Variants in LTF observed in about 807,000 individuals in gnomAD.
LTF encodes lactotransferrin.
A neutral mutation model predicts 87.2 loss-of-function variants in LTF; 91 were observed. The observed-to-expected ratio is 1.04, with a 90% CI of 0.88 to 1.24. The LOEUF (loss-of-function observed/expected upper bound fraction) is 1.24. LTF is among the 50% of genes most tolerant of loss of function. The pLI is 0.00. For missense variants in LTF, 901 were observed against 904.3 expected (o/e 1.00, Z 0.05); for synonymous variants, 378 against 356.1 (o/e 1.06, Z -0.69).
upstream of LTF, among the ~76,000 whole-genome samples, chr3:46,469,263 G>A (rs950576788): frequency 6.6e-6 from 1 of 152,244 alleles, no homozygotes; most frequent in Non-Finnish European, 1.5e-5. Context: ...ACAGCCAGGG[G>A]CTTTCTCCTC....
At chr3:46,454,245 G>T (rs371766062) in intron 6 of LTF, 60 bp downstream of exon 6, 131 of 1,455,334 alleles carry the variant, frequency 9.0e-5, no homozygotes, top group Non-Finnish European at 1.1e-4. Flanking sequence ...TCAAAGGTCA[G>T]AGTCATGATC....
chr3:46,437,807 C>T, intron 16 of LTF, 133 bp downstream of exon 16: 4 of 691,532 alleles, frequency 5.8e-6, no homozygotes, highest in East Asian at 2.6e-5. Context: ...TTATAATTTC[C>T]TGAACTGTAA....
intron 1 of LTF, among the ~76,000 whole-genome samples, chr3:46,482,668 GA>G (rs775031835): frequency 6.0e-5 from 5 of 83,480 alleles, no homozygotes; most frequent in Non-Finnish European, 1.3e-4. Flanking sequence ...AAGAAGGAAG[GA>G]AGGAAGGAAG....
chr3:46,459,548 C>A lies in LTF; in HGVS notation c.207+108G>T, dbSNP rs57318164. On this transcript the variant is annotated intron_variant, in intron 2 of 16. Transcript: ENST00000231751. The stretch of plus-strand genomic sequence containing the variant: ...GAGAGGACGGCTCCCCACTTCGTTG[C>A]CCAACAGGTGAAGCAGAGGAAGTAA... 1.9e-3 allele frequency: 2,211 copies of A among 1,138,468 alleles called. 39 individuals are homozygous for A. The African/African-American group carries it at 0.032, about 17-fold the overall frequency. 70.5% of individuals were successfully genotyped at this position (1,138,468 alleles called of 1,614,324 possible).
chr3:46,470,698 G>T (rs368400861), intron 1 of LTF, among the ~76,000 whole-genome samples: 1 of 152,148 alleles, frequency 6.6e-6, no homozygotes, highest in Non-Finnish European at 1.5e-5. Flanking sequence ...CTGGGCAGAC[G>T]GGAAGGCATG....
chr3:46,482,222 G>A (rs773571028), intron 1 of LTF, among the ~76,000 whole-genome samples: 22 of 152,068 alleles, frequency 1.4e-4, no homozygotes, highest in Non-Finnish European at 2.5e-4. Flanking sequence ...TTGGGAGGCC[G>A]AGGCAGGTGG....
chr3:46,444,770 A>T (rs1166225294), intron 12 of LTF, among the ~76,000 whole-genome samples: 1 of 152,194 alleles, frequency 6.6e-6, no homozygotes, highest in African/African-American at 2.4e-5. Flanking sequence ...GCTGATGCTG[A>T]CTAGGATGAG....
chr3:46,447,682 G>A (rs1702690019), intron 9 of LTF, among the ~76,000 whole-genome samples: 1 of 152,150 alleles, frequency 6.6e-6, no homozygotes, highest in Non-Finnish European at 1.5e-5. Context: ...CTGGCACTTT[G>A]GGGACACCTT....
At chr3:46,460,483 C>G (rs765445136) in intron 1 of LTF, 13 of 441,834 alleles carry the variant, frequency 2.9e-5, no homozygotes, top group Non-Finnish European at 5.0e-5. Context: ...TTTTTTTGCT[C>G]AAATACTGGT....
At chr3:46,454,251 T>C (rs935858879) in intron 6 of LTF, 54 bp downstream of exon 6, 46 of 1,511,306 alleles carry the variant, frequency 3.0e-5, no homozygotes, top group Non-Finnish European at 3.8e-5. Flanking sequence ...GTCAGAGTCA[T>C]GATCAAGTAA....
intron 1 of LTF, among the ~76,000 whole-genome samples, chr3:46,464,323 G>A (rs1259180724): frequency 6.6e-6 from 1 of 152,074 alleles, no homozygotes; most frequent in African/African-American, 2.4e-5. Context: ...GAAGGTGTGC[G>A]AATGCCCCAT....
chr3:46,464,277 C>T (rs1486049566), intron 1 of LTF, among the ~76,000 whole-genome samples: 1 of 152,176 alleles, frequency 6.6e-6, no homozygotes, highest in Non-Finnish European at 1.5e-5. Flanking sequence ...AGGGTTCCAT[C>T]AGGAGCACCG....
At chr3:46,477,822 C>T (rs1261063133) in intron 1 of LTF, among the ~76,000 whole-genome samples, 1 of 152,152 alleles carries the variant, frequency 6.6e-6, no homozygotes, top group Admixed American at 6.5e-5. Context: ...TTCTGGTCCC[C>T]GTTGTGAGCC....
intron 6 of LTF, among the ~76,000 whole-genome samples, chr3:46,450,939 CAG>C (rs1324011925): frequency 6.6e-6 from 1 of 152,140 alleles, no homozygotes; most frequent in Non-Finnish European, 1.5e-5. Context: ...CCTGGCAGGC[CAG>C]AGAGGCCAAA....
chr3:46,440,231 C>T (rs1182023937), intron 14 of LTF, among the ~76,000 whole-genome samples: 2 of 152,126 alleles, frequency 1.3e-5, no homozygotes, highest in African/African-American at 4.8e-5. Flanking sequence ...AAACCCTCCA[C>T]CTATGCCATA....
intron 1 of LTF, among the ~76,000 whole-genome samples, chr3:46,464,349 C>T (rs1703160606): frequency 6.6e-6 from 1 of 152,186 alleles, no homozygotes; most frequent in Non-Finnish European, 1.5e-5. Flanking sequence ...CCTCACAACC[C>T]TGTGGACCCA....
At position 46,460,032 on chromosome 3, in the gene LTF, T is replaced by A. The variant is rs534862751; in HGVS notation, c.44-213A>T. ...TTGGCTAGAGGTCTGTGGTTCTCAA[T>A]AAATTAAAGGAGAAAGTCCCTCTAG... On this transcript the variant is annotated intron_variant, in intron 1 of 16. Transcript: ENST00000231751. Among the ~76,000 whole-genome samples, 3 of 152,322 alleles carry A rather than the reference T, an allele frequency of 2.0e-5. No individual in the cohort carries two copies. In the South Asian group the frequency reaches 6.2e-4, roughly 32 times the overall value.
intron 1 of LTF, among the ~76,000 whole-genome samples, chr3:46,475,184 T>A (rs1465024034): frequency 1.3e-5 from 2 of 152,174 alleles, no homozygotes; most frequent in Admixed American, 6.5e-5. Context: ...ACAACTGATA[T>A]GAAATTGACC....
chr3:46,457,580 A>T (rs1702968173), intron 2 of LTF, among the ~76,000 whole-genome samples: 1 of 152,000 alleles, frequency 6.6e-6, no homozygotes, highest in Non-Finnish European at 1.5e-5. Flanking sequence ...GACCAGCTTC[A>T]CTCTTGAATC....
Sources: allele counts gnomAD v4.1 joint callset (sites outside exome capture counted in the v4.1 genomes callset), GRCh38; gene constraint gnomAD v4.1.1; transcripts MANE v1.5; gene names NCBI Gene and HGNC (gene_info 2026-07-23, HGNC 2026-07-21).